Variants in CEP85L observed in about 807,000 individuals in gnomAD.
CEP85L encodes centrosomal protein 85L.
CEP85L carries 60 observed loss-of-function variants against 100.3 expected under a neutral mutation model. That is an observed-to-expected ratio of 0.60 (90% CI 0.49 to 0.74). The LOEUF (loss-of-function observed/expected upper bound fraction) is 0.74, where lower values mean the gene tolerates loss of function less well. Among genes scored for constraint, CEP85L ranks in the 30% least tolerant of loss-of-function variants. The pLI is 0.00. For synonymous variants in CEP85L, 319 were observed against 322.7 expected (o/e 0.99, Z 0.12); for missense variants, 973 against 936.2 (o/e 1.04, Z -0.51).
intron 2 of CEP85L, among the ~76,000 whole-genome samples, chr6:118,575,577 T>C (rs1780176725): frequency 6.6e-6 from 1 of 152,058 alleles, no homozygotes; most frequent in African/African-American, 2.4e-5. Flanking sequence ...CCCTCCCCAC[T>C]TCAAGCAAAT....
chr6:118,488,709 C>T (rs1774354583), intron 6 of CEP85L, among the ~76,000 whole-genome samples: 1 of 152,000 alleles, frequency 6.6e-6, no homozygotes. Context: ...ATCCAGGGGA[C>T]CCAATGGAAC....
At chr6:118,706,839 C>T (rs1777607345) in intron 1 of CEP85L, among the ~76,000 whole-genome samples, 2 of 152,158 alleles carry the variant, frequency 1.3e-5, no homozygotes, top group South Asian at 4.1e-4. Context: ...CTTAGCTACT[C>T]TTCCCACACC....
Position 118,561,518 on chromosome 6 carries a change from C to T in CEP85L, c.1020+4011G>A, listed in dbSNP as rs938131231. 4.0e-5 allele frequency among the ~76,000 whole-genome samples: 6 copies of T among 151,804 alleles called. No homozygotes were observed. The East Asian group carries it at 9.6e-4, about 24-fold the overall frequency. On this transcript the variant is annotated intron_variant, in intron 3 of 12. Coordinates refer to ENST00000368491, the MANE Select transcript of CEP85L (RefSeq NM_001042475.3). ...GTGTAAAGAATAAGATATAAGAAAA[C>T]AATTTATTTTTAAAATTTAATATAC... is the stretch of plus-strand genomic sequence containing the variant.
intron 1 of CEP85L, among the ~76,000 whole-genome samples, chr6:118,643,069 G>A (rs780925854): frequency 6.6e-6 from 1 of 151,602 alleles, no homozygotes; most frequent in East Asian, 1.9e-4. Flanking sequence ...TATTTCAGAC[G>A]GGCTTATCTT....
chr6:118,674,071 A>G (rs1776399175), intron 1 of CEP85L, among the ~76,000 whole-genome samples: 1 of 152,260 alleles, frequency 6.6e-6, no homozygotes, highest in African/African-American at 2.4e-5. Flanking sequence ...ACTAGAGAAC[A>G]GGGGCATAAA....
intron 1 of CEP85L, among the ~76,000 whole-genome samples, chr6:118,663,208 C>T (rs192026852): frequency 6.6e-6 from 1 of 152,176 alleles, no homozygotes; most frequent in East Asian, 1.9e-4. Context: ...CAATATGTGC[C>T]ATAAAAACAA....
intron 3 of CEP85L, 192 bp downstream of exon 3, chr6:118,565,337 T>A (rs979392446): frequency 1.7e-6 from 1 of 601,606 alleles, no homozygotes; most frequent in Non-Finnish European, 2.9e-6. Flanking sequence ...CAGATTTTCA[T>A]GTTAATTAGT....
intron 3 of CEP85L, among the ~76,000 whole-genome samples, chr6:118,556,349 G>C (rs572621091): frequency 6.6e-6 from 1 of 152,154 alleles, no homozygotes; most frequent in Admixed American, 6.5e-5. Flanking sequence ...TAGAAGTTGA[G>C]TGTTTGGAAC....
intron 2 of CEP85L, among the ~76,000 whole-genome samples, chr6:118,593,715 C>T (rs1320672638): frequency 6.6e-6 from 1 of 151,816 alleles, no homozygotes; most frequent in Non-Finnish European, 1.5e-5. Context: ...GTCTTGATTT[C>T]CCAAATATCT....
At chr6:118,502,548 A>C in intron 5 of CEP85L, 1 of 482,448 alleles carries the variant, frequency 2.1e-6, no homozygotes, top group South Asian at 1.9e-5. Context: ...AGATAGGCTC[A>C]TGGCACTGAA....
rs1774749656 is a variant in CEP85L, at chr6:118,639,857, G to A, written c.74-7246C>T. 2.0e-5 allele frequency among the ~76,000 whole-genome samples: 3 copies of A among 152,044 alleles called. No homozygotes were observed. The South Asian group carries it at 6.2e-4, about 31-fold the overall frequency. ...CAATTACAACTACAAAAATATCTTT[G>A]TGTTCAGAAAAAGGATTCAAACAAG... On this transcript the variant is annotated intron_variant, in intron 1 of 12. Coordinates refer to ENST00000368491, the MANE Select transcript of CEP85L (RefSeq NM_001042475.3).
upstream of CEP85L, chr6:118,652,643 T>C: frequency 3.3e-6 from 5 of 1,526,624 alleles, no homozygotes; most frequent in Non-Finnish European, 4.4e-6. Flanking sequence ...AATTGGGAAA[T>C]ACTACTTAAA....
rs753189880 is a variant in CEP85L, at chr6:118,632,618, AG to A, written c.74-8del. The A allele has an allele frequency of 1.9e-6, 3 of 1,604,262 alleles. No homozygotes were observed. The highest frequency in any genetic ancestry group is 2.5e-6 in the Non-Finnish European group (3 of 1,176,846). On this transcript the variant is annotated splice_polypyrimidine_tract_variant and splice_region_variant and intron_variant, in intron 1 of 12. Transcript: ENST00000368491. ...GCTGATGAATAATCTGGGCCTAAAA[AG>A]GGAAATATGTAACAGTTAACACATA... is the stretch of plus-strand genomic sequence containing the variant.
upstream of CEP85L, among the ~76,000 whole-genome samples, chr6:118,652,134 C>T (rs1775606386): frequency 3.3e-5 from 5 of 152,048 alleles, no homozygotes; most frequent in Admixed American, 3.3e-4. Flanking sequence ...AATATAGCAC[C>T]GGGATGTGCA....
At chr6:118,508,357 C>A (rs1364180498) in intron 5 of CEP85L, among the ~76,000 whole-genome samples, 1 of 152,068 alleles carries the variant, frequency 6.6e-6, no homozygotes, top group African/African-American at 2.4e-5. Context: ...CCAAGGTACA[C>A]ATATATACAG....
At chr6:118,652,454 C>A, upstream of CEP85L, 2 of 1,239,670 alleles carry the variant, frequency 1.6e-6, no homozygotes, top group East Asian at 4.1e-5. Flanking sequence ...CGAACTAGTT[C>A]GTATAAAAAA....
At chr6:118,530,369 A>G (rs1241405607) in intron 3 of CEP85L, among the ~76,000 whole-genome samples, 1 of 151,674 alleles carries the variant, frequency 6.6e-6, no homozygotes, top group African/African-American at 2.4e-5. Flanking sequence ...CTTAAAAATA[A>G]TAAGAGCCAT....
intron 4 of CEP85L, among the ~76,000 whole-genome samples, chr6:118,517,925 A>G (rs1776378949): frequency 6.6e-6 from 1 of 152,122 alleles, no homozygotes; most frequent in African/African-American, 2.4e-5. Context: ...TACCTAGTTT[A>G]TTGAGTTTTT....
chr6:118,543,551 AAG>A (rs1778029764), intron 3 of CEP85L, among the ~76,000 whole-genome samples: 1 of 152,220 alleles, frequency 6.6e-6, no homozygotes, highest in South Asian at 2.1e-4. Flanking sequence ...TCTGAATTAT[AAG>A]AGATATTCAC....
Sources: gnomAD v4.1 joint callset for allele counts (sites outside exome capture counted in the v4.1 genomes callset) on GRCh38, gnomAD v4.1.1 for gene constraint, MANE v1.5 for transcripts, NCBI Gene and HGNC (gene_info 2026-07-23, HGNC 2026-07-21) for gene names.